The following VPS13B variants were observed in gnomAD, a reference collection of about 807,000 sequenced individuals.
VPS13B encodes the protein vacuolar protein sorting 13 homolog B, also known as intermembrane lipid transfer protein VPS13B.
In VPS13B, 285 loss-of-function variants were observed where a neutral mutation model predicts 426.4. That is an observed-to-expected ratio of 0.67 (90% CI 0.61 to 0.74). The LOEUF (loss-of-function observed/expected upper bound fraction) is 0.74. VPS13B is among the 30% of genes least tolerant of loss of function. The pLI, the probability that VPS13B is intolerant of heterozygous loss-of-function variation, is 0.00. For missense variants in VPS13B, 4,537 were observed against 4,782.6 expected, an observed-to-expected ratio of 0.95 and a Z score of 1.51; for synonymous variants, 1,676 against 1,676.4, an observed-to-expected ratio of 1.00 and a Z score of 0.01.
At chr8:99,825,455 T>C (rs1450425603) in intron 51 of VPS13B, among the ~76,000 whole-genome samples, 1 of 152,218 alleles carries the variant, frequency 6.6e-6, no homozygotes, top group African/African-American at 2.4e-5. Context: ...ATTAAGTTTC[T>C]TGTAGATTCT....
At chr8:99,045,376 C>T (rs1258675094) in intron 3 of VPS13B, among the ~76,000 whole-genome samples, 1 of 143,002 alleles carries the variant, frequency 7.0e-6, no homozygotes, top group East Asian at 2.0e-4. Flanking sequence ...TGTTCATGTC[C>T]TTAGCCCACT....
intron 12 of VPS13B, among the ~76,000 whole-genome samples, chr8:99,142,282 A>G (rs957968074): frequency 6.6e-6 from 1 of 152,240 alleles, no homozygotes; most frequent in Non-Finnish European, 1.5e-5. Flanking sequence ...AACAAAATGC[A>G]TTATAAATTA....
intron 17 of VPS13B, among the ~76,000 whole-genome samples, chr8:99,259,805 T>C (rs1245335652): frequency 6.6e-6 from 1 of 152,082 alleles, no homozygotes; most frequent in African/African-American, 2.4e-5. Context: ...CCTCTGGCAA[T>C]GTATGTGAAA....
chr8:99,773,991 G>A lies in VPS13B; in HGVS notation c.7248-2784G>A, dbSNP rs1203272004. ...GTAGCTACTGCAAGTCTCTAGCAGG[G>A]TCATCACTCATATTTATGACTATTT... On this transcript the variant is annotated intron_variant, in intron 40 of 61. Transcript: ENST00000357162. Among the ~76,000 whole-genome samples the A allele has an allele frequency of 2.6e-5, 4 of 152,236 alleles. No individual in the cohort carries two copies. In the East Asian group the frequency reaches 5.8e-4, roughly 22 times the overall value.
chr8:99,315,746 C>T (rs939527746), intron 19 of VPS13B, among the ~76,000 whole-genome samples: 4 of 151,994 alleles, frequency 2.6e-5, no homozygotes, highest in Non-Finnish European at 5.9e-5. Context: ...ATGCCATTCT[C>T]CTGCCTCAGC....
intron 34 of VPS13B, among the ~76,000 whole-genome samples, chr8:99,655,538 G>A (rs890334157): frequency 2.0e-4 from 30 of 152,076 alleles, no homozygotes; most frequent in Non-Finnish European, 4.0e-4. Flanking sequence ...CGAGGAGGTG[G>A]GTTAGGATTG....
intron 19 of VPS13B, among the ~76,000 whole-genome samples, chr8:99,276,015 C>T (rs966059103): frequency 6.6e-6 from 1 of 152,104 alleles, no homozygotes; most frequent in African/African-American, 2.4e-5. Flanking sequence ...TTTCAAATAG[C>T]TGCTTTAGAG....
chr8:99,359,981 T>C (rs1055132988), intron 19 of VPS13B, among the ~76,000 whole-genome samples: 7 of 152,036 alleles, frequency 4.6e-5, no homozygotes, highest in Non-Finnish European at 1.0e-4. Flanking sequence ...TTTTGTATTT[T>C]TAGTAGAGAT....
chr8:99,028,954 G>A (rs562214684), intron 2 of VPS13B, among the ~76,000 whole-genome samples: 13 of 145,252 alleles, frequency 8.9e-5, no homozygotes, highest in South Asian at 2.3e-4. Context: ...GGTGGCTGCC[G>A]GACGGAGGGG....
intron 61 of VPS13B, among the ~76,000 whole-genome samples, chr8:99,874,021 G>A (rs765367802): frequency 1.3e-5 from 2 of 152,166 alleles, no homozygotes; most frequent in Non-Finnish European, 2.9e-5. Context: ...AAATATGGCA[G>A]GATTGAGATT....
At chr8:99,834,666 C>CT (rs1815281975) in intron 52 of VPS13B, among the ~76,000 whole-genome samples, 2 of 152,310 alleles carry the variant, frequency 1.3e-5, no homozygotes, top group South Asian at 2.1e-4. Flanking sequence ...AGCCATCCTC[C>CT]TCCCACCTCA....
intron 19 of VPS13B, among the ~76,000 whole-genome samples, chr8:99,360,123 TTTCTTTCTTTC>T (rs1812424627): frequency 5.4e-5 from 1 of 18,366 alleles, no homozygotes; most frequent in African/African-American, 1.8e-4. Flanking sequence ...TTTCCTTATC[TTTCTTTCTTTC>T]TTTCTTTCTT....
chr8:99,269,316 T>C (rs555388569), intron 17 of VPS13B, among the ~76,000 whole-genome samples: 1 of 152,328 alleles, frequency 6.6e-6, no homozygotes, highest in African/African-American at 2.4e-5. Context: ...GGGATACCTC[T>C]TTCCTTCCTC....
intron 2 of VPS13B, among the ~76,000 whole-genome samples, chr8:99,031,303 C>T (rs900892792): frequency 1.3e-5 from 2 of 151,990 alleles, no homozygotes; most frequent in Non-Finnish European, 2.9e-5. Flanking sequence ...AATTGTTTTT[C>T]TGATTTTGTT....
chr8:99,511,437 C>T lies in VPS13B; in HGVS notation c.4558C>T (p.Pro1520Ser), dbSNP rs1821781864. 1 of 1,613,294 alleles carries T rather than the reference C, an allele frequency of 6.2e-7. No individual in the cohort carries two copies. Among genetic ancestry groups the T allele is most frequent in the Non-Finnish European group, 8.5e-7 (1 of 1,179,880 alleles). The change falls in exon 29 of 62, where the codon CCT (proline) becomes TCT (serine). Residue 1520 changes from proline to serine, a missense_variant. Transcript: ENST00000357162. ...RTHTLTSRNLPLIYVNTSVIR... is the reference protein window; with the variant it reads ...RTHTLTSRNLSLIYVNTSVIR... ...CCATACACTGACATCCCGCAATTTA[C>T]CTTTGATTTATGTCAACACAAGTGT...
intron 31 of VPS13B, among the ~76,000 whole-genome samples, chr8:99,558,424 T>TATG (rs1554844739): frequency 6.6e-6 from 1 of 152,110 alleles, no homozygotes; most frequent in Non-Finnish European, 1.5e-5. Flanking sequence ...TTATTATTAT[T>TATG]ATGCTTTTAA....
intron 30 of VPS13B, among the ~76,000 whole-genome samples, chr8:99,540,810 G>T (rs1209252170): frequency 6.6e-6 from 1 of 151,960 alleles, no homozygotes; most frequent in African/African-American, 2.4e-5. Flanking sequence ...TTGTTCTGTG[G>T]ATTTTTATTG....
At chr8:99,874,366 A>G (rs1817585584) in intron 61 of VPS13B, among the ~76,000 whole-genome samples, 1 of 152,324 alleles carries the variant, frequency 6.6e-6, no homozygotes, top group Admixed American at 6.5e-5. Context: ...GCTTAAAAAC[A>G]CAAGATTCAA....
intron 35 of VPS13B, among the ~76,000 whole-genome samples, chr8:99,664,823 G>A (rs1314187489): frequency 6.6e-6 from 1 of 152,146 alleles, no homozygotes; most frequent in East Asian, 1.9e-4. Flanking sequence ...AATCCTTTGG[G>A]TATATACCCA....
Sources: allele counts gnomAD v4.1 joint callset (sites outside exome capture counted in the v4.1 genomes callset), GRCh38; gene constraint gnomAD v4.1.1; transcripts MANE v1.5; gene names NCBI Gene and HGNC (gene_info 2026-07-23, HGNC 2026-07-21).